Variants in CLSTN2 observed in about 807,000 individuals in gnomAD.
The protein encoded by CLSTN2 is calsyntenin-2.
A neutral mutation model predicts 101.2 loss-of-function variants in CLSTN2; 48 were observed. The ratio of observed to expected loss-of-function variants is 0.47; its 90% CI spans 0.38 to 0.60. CLSTN2 has a LOEUF of 0.60. CLSTN2 is among the 20% of genes least tolerant of loss of function. The probability of loss-of-function intolerance (pLI) is 0.00; values close to 1 mark genes in which losing one functional copy is unlikely to be tolerated. For synonymous variants in CLSTN2, 481 were observed against 463.6 expected (o/e 1.04, Z -0.48); for missense variants, 1,160 against 1,238.2 (o/e 0.94, Z 0.95).
Position 140,548,657 on chromosome 3 carries a change from A to G in CLSTN2, c.1674+1976A>G, listed in dbSNP as rs539370442. ...TGATGAGAGAGGGCTGAGGAATAGC[A>G]CAGTATTCACTAGAACTTCAACAAA... On this transcript the variant is annotated intron_variant, in intron 10 of 16. Transcript: ENST00000458420. Among the ~76,000 whole-genome samples the G allele has an allele frequency of 9.8e-5, 15 of 152,320 alleles. No homozygotes were observed. The South Asian group carries it at 2.5e-3, about 25-fold the overall frequency.
chr3:140,263,266 A>G (rs1367997756), intron 2 of CLSTN2, among the ~76,000 whole-genome samples: 1 of 152,194 alleles, frequency 6.6e-6, no homozygotes, highest in African/African-American at 2.4e-5. Context: ...AACTTGGTTC[A>G]TGTTAGGAAA....
intron 1 of CLSTN2, among the ~76,000 whole-genome samples, chr3:139,947,932 G>A (rs1316175234): frequency 6.6e-6 from 1 of 151,960 alleles, no homozygotes; most frequent in East Asian, 1.9e-4. Flanking sequence ...CTAGGGAGAA[G>A]GAACTCAAGT....
At chr3:140,322,061 C>T (rs890165994) in intron 2 of CLSTN2, among the ~76,000 whole-genome samples, 1 of 152,330 alleles carries the variant, frequency 6.6e-6, no homozygotes, top group Non-Finnish European at 1.5e-5. Context: ...GAAAGGTAGC[C>T]CTGGGACAGG....
Position 140,566,329 on chromosome 3 carries a change from C to A in CLSTN2, c.*76C>A. Reference sequence around the variant, plus strand: ...CCAGTGTATGCCCATGTCTATCATACCTCACCTCTGATGTCTGTGACATGT... The same window carrying A: ...CCAGTGTATGCCCATGTCTATCATAACTCACCTCTGATGTCTGTGACATGT... On this transcript the variant is annotated 3_prime_UTR_variant, in exon 17 of 17. Transcript: ENST00000458420. 1 of 1,385,640 alleles carries A rather than the reference C, an allele frequency of 7.2e-7. No homozygotes were observed. Among genetic ancestry groups the A allele is most frequent in the Non-Finnish European group, 1.0e-6 (1 of 1,000,818 alleles). The allele number at this position is 1,385,640 out of a possible 1,614,324, so 85.8% of individuals were successfully genotyped here.
At chr3:140,382,003 C>T (rs1464586112) in intron 2 of CLSTN2, among the ~76,000 whole-genome samples, 1 of 152,150 alleles carries the variant, frequency 6.6e-6, no homozygotes, top group Non-Finnish European at 1.5e-5. Flanking sequence ...CTTTCTGTTC[C>T]ATAAGAGGAG....
At chr3:140,463,200 C>T (rs1933603695) in intron 7 of CLSTN2, among the ~76,000 whole-genome samples, 2 of 152,240 alleles carry the variant, frequency 1.3e-5, no homozygotes, top group Non-Finnish European at 2.9e-5. Context: ...CCCTCCTACA[C>T]ACATATCAGC....
At chr3:140,121,957 G>GGA (rs1004466704) in intron 1 of CLSTN2, among the ~76,000 whole-genome samples, 2 of 152,094 alleles carry the variant, frequency 1.3e-5, no homozygotes, top group African/African-American at 4.8e-5. Flanking sequence ...AGTCTGAATT[G>GGA]GAGAAAAAAA....
In CLSTN2 at chr3:140,303,790, T is replaced by G. The variant is rs2087084662; in HGVS notation, c.233-99839T>G. Among the ~76,000 whole-genome samples, 3 of 151,878 alleles carry G rather than the reference T, an allele frequency of 2.0e-5. No individual in the cohort carries two copies. The South Asian group carries it at 6.2e-4, about 32-fold the overall frequency. ...CAGTGCTCCTGTATCCTAAGAGGCATCAACTTGCTCTGGCCAGATGCATGA... is the reference window on the plus strand; with the variant it reads ...CAGTGCTCCTGTATCCTAAGAGGCAGCAACTTGCTCTGGCCAGATGCATGA... On this transcript the variant is annotated intron_variant, in intron 2 of 16. Transcript: ENST00000458420.
chr3:140,288,412 A>C (rs1479868), intron 2 of CLSTN2, among the ~76,000 whole-genome samples: 2 of 151,924 alleles, frequency 1.3e-5, no homozygotes, highest in Non-Finnish European at 2.9e-5. Flanking sequence ...GGATCCTCTC[A>C]GATATCCAGC....
intron 9 of CLSTN2, among the ~76,000 whole-genome samples, chr3:140,545,064 A>T (rs774133330): frequency 7.2e-5 from 11 of 152,078 alleles, no homozygotes; most frequent in Non-Finnish European, 1.5e-4. Flanking sequence ...GTGGGTAAGA[A>T]CTCTAAAGAG....
At chr3:140,442,450 G>A (rs903258144) in intron 5 of CLSTN2, among the ~76,000 whole-genome samples, 4 of 152,106 alleles carry the variant, frequency 2.6e-5, no homozygotes, top group Non-Finnish European at 4.4e-5. Flanking sequence ...CCTTCCTTCT[G>A]CCTCCTGGCT....
chr3:140,066,077 T>A (rs1473757476), intron 1 of CLSTN2, among the ~76,000 whole-genome samples: 1 of 152,248 alleles, frequency 6.6e-6, no homozygotes, highest in East Asian at 1.9e-4. Context: ...AATTTGCCAA[T>A]GGTTTTTCAG....
Position 140,374,848 on chromosome 3 carries a change from C to T in CLSTN2, c.233-28781C>T, listed in dbSNP as rs142293677. Among the ~76,000 whole-genome samples, 541 of 152,272 alleles carry T rather than the reference C, an allele frequency of 3.6e-3. 2 individuals are homozygous for T. Among genetic ancestry groups the T allele is most frequent in the Middle Eastern group, 6.8e-3 (2 of 294 alleles). On this transcript the variant is annotated intron_variant, in intron 2 of 16. Transcript: ENST00000458420. Reference sequence around the variant, plus strand: ...TTGCCTGATTGCTGTTATCAGCAGACCCTTTTTAGCACCGTGGTAAGGTTT... The same window carrying T: ...TTGCCTGATTGCTGTTATCAGCAGATCCTTTTTAGCACCGTGGTAAGGTTT...
At chr3:140,141,903 G>A (rs1389508553) in intron 1 of CLSTN2, among the ~76,000 whole-genome samples, 1 of 152,140 alleles carries the variant, frequency 6.6e-6, no homozygotes, top group East Asian at 1.9e-4. Context: ...CAGAAGCTGC[G>A]CTTACCCCAG....
intron 1 of CLSTN2, among the ~76,000 whole-genome samples, chr3:140,108,153 G>A (rs1217406934): frequency 6.6e-6 from 1 of 152,206 alleles, no homozygotes; most frequent in Non-Finnish European, 1.5e-5. Context: ...TACTCATCCA[G>A]TGGTTCTACA....
At chr3:139,973,884 G>A (rs946663247) in intron 1 of CLSTN2, among the ~76,000 whole-genome samples, 12 of 152,004 alleles carry the variant, frequency 7.9e-5, no homozygotes, top group African/African-American at 1.9e-4. Flanking sequence ...CAATTTTCCC[G>A]CCTCGGCCTC....
At chr3:140,397,649 C>G (rs2088197335) in intron 2 of CLSTN2, among the ~76,000 whole-genome samples, 1 of 152,170 alleles carries the variant, frequency 6.6e-6, no homozygotes, top group African/African-American at 2.4e-5. Context: ...ACAGGGATCT[C>G]TCTGGAGGCT....
intron 2 of CLSTN2, among the ~76,000 whole-genome samples, chr3:140,312,957 G>A (rs1442334243): frequency 1.3e-5 from 2 of 152,090 alleles, no homozygotes; most frequent in African/African-American, 4.8e-5. Flanking sequence ...TTGTGTTATT[G>A]GTATATTTGT....
At chr3:140,370,238 C>G (rs936956322) in intron 2 of CLSTN2, among the ~76,000 whole-genome samples, 1 of 152,172 alleles carries the variant, frequency 6.6e-6, no homozygotes, top group Non-Finnish European at 1.5e-5. Flanking sequence ...TGTCAAAGCA[C>G]CCCCCATGCC....
Sources: allele counts gnomAD v4.1 joint callset (sites outside exome capture counted in the v4.1 genomes callset), GRCh38; gene constraint gnomAD v4.1.1; transcripts MANE v1.5; gene names NCBI Gene and HGNC (gene_info 2026-07-23, HGNC 2026-07-21).